Variants in MAP3K19 observed in about 807,000 individuals in gnomAD.
The protein encoded by MAP3K19 is mitogen-activated protein kinase kinase kinase 19, also known as SPS1/STE20-related protein kinase YSK4.
MAP3K19 carries 91 observed loss-of-function variants against 114.4 expected under a neutral mutation model. The observed-to-expected ratio is 0.80, with a 90% CI of 0.67 to 0.95. The LOEUF is 0.95. Ranked by LOEUF, MAP3K19 falls within the 40% of genes least tolerant of loss-of-function variation. The probability of loss-of-function intolerance (pLI) is 0.00; values close to 1 mark genes in which losing one functional copy is unlikely to be tolerated. For synonymous variants in MAP3K19, 518 were observed against 530.5 expected (o/e 0.98, Z 0.32); for missense variants, 1,471 against 1,573.2 (o/e 0.94, Z 1.10).
Position 134,983,819 on chromosome 2 carries a change from T to C in MAP3K19, c.3079A>G (p.Ser1027Gly). ...CTGTCATATATCCTGAGCCCACTAC[T>C]ATGCCTCTGGAAGAATGAGACAAAA... ...ETTKVKIQRH[S>G]SGLRIYDREE... Residue 1027 changes from serine to glycine, a missense_variant, in exon 11 of 13, where the codon AGT becomes GGT. Transcript: ENST00000392915. 1 of 1,570,148 alleles carries C rather than the reference T, an allele frequency of 6.4e-7. No individual in the cohort carries two copies. Among genetic ancestry groups the C allele is most frequent in the Non-Finnish European group, 8.6e-7 (1 of 1,163,780 alleles).
intron 2 of MAP3K19, among the ~76,000 whole-genome samples, chr2:135,032,249 C>G (rs999183753): frequency 6.6e-6 from 1 of 150,900 alleles, no homozygotes; most frequent in African/African-American, 2.4e-5. Flanking sequence ...CCCAGCTATT[C>G]GGGAGGCTGA....
chr2:135,027,417 TGGGA>T (rs1222593603), intron 3 of MAP3K19, among the ~76,000 whole-genome samples: 4 of 117,736 alleles, frequency 3.4e-5, no homozygotes, highest in Non-Finnish European at 5.4e-5. Flanking sequence ...AAGAAAAGGA[TGGGA>T]GGGAGGGAGG....
rs1404925877 is a variant in MAP3K19, at chr2:135,040,392, T to C, written c.-313A>G. On this transcript the variant is annotated 5_prime_UTR_variant, in exon 2 of 13. Transcript: ENST00000392915. The stretch of plus-strand genomic sequence containing the variant: ...GTTAGATTTTCCTCTGCTGCAGTAA[T>C]GAGAGGCGTATTCCACGTCTCTGGG... The C allele has an allele frequency of 1.3e-5, 2 of 152,646 alleles. No homozygotes were observed. The highest frequency in any genetic ancestry group is 2.9e-5 in the Non-Finnish European group (2 of 68,048). The allele number at this position is 152,646 out of a possible 1,614,324, so 9.5% of individuals were successfully genotyped here.
At chr2:135,036,682 A>T (rs1245881440) in intron 2 of MAP3K19, among the ~76,000 whole-genome samples, 8 of 143,158 alleles carry the variant, frequency 5.6e-5, no homozygotes, top group African/African-American at 2.2e-4. Flanking sequence ...TGTGTGTGTG[A>T]TATGTGCTTG....
At chr2:135,038,626 G>T (rs1688581698) in intron 2 of MAP3K19, among the ~76,000 whole-genome samples, 1 of 151,960 alleles carries the variant, frequency 6.6e-6, no homozygotes, top group Admixed American at 6.6e-5. Context: ...GGCCAAGGTG[G>T]GTGGATTGCC....
chr2:135,025,677 C>T (rs930128870), intron 3 of MAP3K19, among the ~76,000 whole-genome samples: 12 of 152,014 alleles, frequency 7.9e-5, no homozygotes, highest in South Asian at 2.1e-4. Context: ...TGAGCCACCG[C>T]GCCCAGCCCC....
At chr2:135,021,473 T>TACAC (rs111431630) in intron 5 of MAP3K19, among the ~76,000 whole-genome samples, 3,124 of 146,650 alleles carry the variant, frequency 0.021, 48 homozygotes, top group African/African-American at 0.043. Context: ...CACACACACA[T>TACAC]ACACACACAC....
intron 1 of MAP3K19, among the ~76,000 whole-genome samples, chr2:135,044,025 A>C (rs1688693761): frequency 6.6e-6 from 1 of 152,254 alleles, no homozygotes; most frequent in Non-Finnish European, 1.5e-5. Flanking sequence ...TAGTGAATGA[A>C]TTCCTCAAGT....
At chr2:135,021,461 G>C (rs1687966804) in intron 5 of MAP3K19, among the ~76,000 whole-genome samples, 1 of 143,226 alleles carries the variant, frequency 7.0e-6, no homozygotes, top group Non-Finnish European at 1.5e-5. Flanking sequence ...AACTGACTAA[G>C]ACACACACAC....
intron 12 of MAP3K19, among the ~76,000 whole-genome samples, chr2:134,965,745 C>T (rs767824661): frequency 2.6e-5 from 4 of 152,070 alleles, no homozygotes; most frequent in Non-Finnish European, 1.5e-5. Context: ...CACTTCAAGT[C>T]CTCTCTTCTA....
At chr2:135,018,237 G>A (rs1390538527) in intron 5 of MAP3K19, among the ~76,000 whole-genome samples, 1 of 137,648 alleles carries the variant, frequency 7.3e-6, no homozygotes, top group Admixed American at 8.2e-5. Flanking sequence ...GTTGTGGTGA[G>A]CCGAGATCGA....
intron 9 of MAP3K19, among the ~76,000 whole-genome samples, chr2:134,989,436 T>TA (rs1685399816): frequency 6.6e-6 from 1 of 152,186 alleles, no homozygotes; most frequent in African/African-American, 2.4e-5. Context: ...ACTTAGGCAT[T>TA]AAAAGTAGAT....
intron 4 of MAP3K19, among the ~76,000 whole-genome samples, 161 bp downstream of exon 4, chr2:135,024,465 C>G (rs752678671): frequency 1.3e-5 from 2 of 152,196 alleles, no homozygotes; most frequent in Non-Finnish European, 2.9e-5. Context: ...TTTGCATCCC[C>G]CAGAGCACCT....
chr2:134,968,004 C>G (rs545869844), intron 12 of MAP3K19, among the ~76,000 whole-genome samples: 2 of 152,024 alleles, frequency 1.3e-5, no homozygotes, highest in Non-Finnish European at 2.9e-5. Flanking sequence ...GAGGACCCTG[C>G]GGCCTTCCGC....
Position 134,983,796 on chromosome 2 carries a change from G to C in MAP3K19, c.3102C>G (p.Asp1034Glu). The change falls in exon 11 of 13, where the codon GAC (aspartate) becomes GAG (glutamate). Residue 1034 changes from aspartate to glutamate, a missense_variant. Coordinates refer to ENST00000392915, the MANE Select transcript of MAP3K19 (RefSeq NM_025052.5). ...TTGAGATGAGAAATTTCTCCTCCCTGTCATATATCCTGAGCCCACTACTAT... is the reference window on the plus strand; with the variant it reads ...TTGAGATGAGAAATTTCTCCTCCCTCTCATATATCCTGAGCCCACTACTAT... ...QRHSSGLRIY[D>E]REEKFLISNE... 6.2e-7 allele frequency: 1 copy of C among 1,602,488 alleles called. No homozygotes were observed. Among genetic ancestry groups the C allele is most frequent in the Non-Finnish European group, 8.5e-7 (1 of 1,175,128 alleles).
chr2:134,975,021 A>G (rs894484556), intron 12 of MAP3K19, among the ~76,000 whole-genome samples: 20 of 152,048 alleles, frequency 1.3e-4, no homozygotes, highest in African/African-American at 4.8e-4. Flanking sequence ...TTGTTAGTGG[A>G]GTCTGTGGTG....
intron 2 of MAP3K19, among the ~76,000 whole-genome samples, chr2:135,034,614 C>T (rs1156286701): frequency 2.3e-5 from 3 of 132,218 alleles, no homozygotes; most frequent in African/African-American, 9.7e-5. Flanking sequence ...GAGACCAGCC[C>T]GGCCAACACA....
intron 8 of MAP3K19, among the ~76,000 whole-genome samples, chr2:134,992,056 T>C (rs1310297328): frequency 6.6e-6 from 1 of 152,204 alleles, no homozygotes; most frequent in Non-Finnish European, 1.5e-5. Context: ...CTATGAATTG[T>C]AAGCAAATGC....
rs1321359243 is a variant in MAP3K19 at position 135,033,569 on chromosome 2, G to A, written c.-283-3069C>T. On this transcript the variant is annotated intron_variant, in intron 2 of 12. Transcript: ENST00000392915. ...CTCCCGGACGGGGCGGCTGGCGGGCGGGGGGCTGACCCCCCCACCGCCCTC... is the reference window on the plus strand; with the variant it reads ...CTCCCGGACGGGGCGGCTGGCGGGCAGGGGGCTGACCCCCCCACCGCCCTC... Among the ~76,000 whole-genome samples, 14 of 77,940 alleles carry A rather than the reference G, an allele frequency of 1.8e-4. 1 individual carries two copies. The South Asian group carries it at 6.3e-3, about 35-fold the overall frequency. The allele number at this position is 77,940 out of a possible 152,430, so 51.1% of individuals were successfully genotyped here.
Sources: gnomAD v4.1 joint callset for allele counts (sites outside exome capture counted in the v4.1 genomes callset) on GRCh38, gnomAD v4.1.1 for gene constraint, MANE v1.5 for transcripts, NCBI Gene and HGNC (gene_info 2026-07-23, HGNC 2026-07-21) for gene names.